The following SHC2 variants were observed in gnomAD, a reference collection of about 807,000 sequenced individuals.
SHC2 encodes the protein SHC adaptor protein 2, also known as SHC-transforming protein 2.
A neutral mutation model predicts 60.6 loss-of-function variants in SHC2; 62 were observed. The ratio of observed to expected loss-of-function variants is 1.02; its 90% CI spans 0.83 to 1.26. The LOEUF (loss-of-function observed/expected upper bound fraction) is 1.26, where lower values mean the gene tolerates loss of function less well. Ranked by LOEUF, SHC2 falls within the 50% of genes most tolerant of loss-of-function variation. The pLI is 0.00. For missense variants in SHC2, 873 were observed against 822.2 expected, an observed-to-expected ratio of 1.06 and a Z score of -0.76; for synonymous variants, 375 against 372.4, an observed-to-expected ratio of 1.01 and a Z score of -0.08.
At chr19:428,207 A>G (rs866335138) in intron 9 of SHC2, among the ~76,000 whole-genome samples, 3 of 152,306 alleles carry the variant, frequency 2.0e-5, no homozygotes, top group Middle Eastern at 3.4e-3. Context: ...CCTGGGCGAC[A>G]AAGCAAGACG....
Position 445,174 on chromosome 19 carries a change from T to A in SHC2, c.469-4242A>T, listed in dbSNP as rs1975023130. On this transcript the variant is annotated intron_variant, in intron 1 of 12. Coordinates refer to ENST00000264554, the MANE Select transcript of SHC2 (RefSeq NM_012435.3). This position sits in a 1 kb window ranked among gnomAD's most constrained non-coding sequence, Gnocchi z 4.4. ...GTAAATATCGATCTAGGGCTGAATA[T>A]CTGTGCCCCCCTCAAAATCCCTCTG... 6.6e-6 allele frequency among the ~76,000 whole-genome samples: 1 copy of A among 152,230 alleles called. No homozygotes were observed. The highest frequency in any genetic ancestry group is 1.5e-5 in the Non-Finnish European group (1 of 68,044).
intron 4 of SHC2, among the ~76,000 whole-genome samples, chr19:437,031 G>GCACGCA (rs887870842): frequency 2.7e-5 from 4 of 150,614 alleles, no homozygotes; most frequent in Non-Finnish European, 5.9e-5. Context: ...CCACACACAT[G>GCACGCA]CACACACACA....
intron 1 of SHC2, among the ~76,000 whole-genome samples, chr19:444,382 T>C (rs1975000776): frequency 6.6e-6 from 1 of 152,126 alleles, no homozygotes; most frequent in Non-Finnish European, 1.5e-5. Flanking sequence ...TGCCAGTGTC[T>C]GGCGCTACAG....
intron 1 of SHC2, among the ~76,000 whole-genome samples, chr19:457,456 G>A (rs1975377056): frequency 6.6e-6 from 1 of 152,158 alleles, no homozygotes; most frequent in Non-Finnish European, 1.5e-5. Flanking sequence ...TCCTGGGAGG[G>A]GCAGCCGCCC....
chr19:458,410 G>T (rs1284553169), intron 1 of SHC2, among the ~76,000 whole-genome samples: 2 of 134,270 alleles, frequency 1.5e-5, no homozygotes, highest in Admixed American at 1.5e-4. Flanking sequence ...GGAGGCGGAA[G>T]CGGGTCCTGG....
At position 460,539 on chromosome 19, in the gene SHC2, T is replaced by C; in HGVS notation, c.458A>G (p.Tyr153Cys). 1 of 1,376,002 alleles carries C rather than the reference T, an allele frequency of 7.3e-7. No individual in the cohort carries two copies. Among genetic ancestry groups the C allele is most frequent in the East Asian group, 3.3e-5 (1 of 30,724 alleles). 85.2% of individuals were successfully genotyped at this position (1,376,002 alleles called of 1,614,324 possible). Residue 153 changes from tyrosine to cysteine, a missense_variant, in exon 1 of 13, where the codon TAC (tyrosine) becomes TGC (cysteine). By Grantham distance (194) the Tyr-to-Cys change is radical (BLOSUM62 -2). Transcript: ENST00000264554. The stretch of plus-strand genomic sequence containing the variant: ...GTGGGGGGGACTCACCCGCACGACG[T>C]AGGAGACCCCGGGCCCCAGGACCCT... ...DARVLGPGVS[Y>C]VVRYMGCIEV...
intron 8 of SHC2, among the ~76,000 whole-genome samples, chr19:430,962 G>A (rs1053280966): frequency 6.6e-5 from 10 of 152,264 alleles, no homozygotes; most frequent in African/African-American, 1.7e-4. Flanking sequence ...TCTCCACCTC[G>A]GAAGGTGGTC....
chr19:443,255 CAGAT>C (rs779922983), intron 1 of SHC2, among the ~76,000 whole-genome samples: 3 of 110,810 alleles, frequency 2.7e-5, no homozygotes, highest in East Asian at 3.0e-4. Context: ...GATGGGTGGA[CAGAT>C]GGATGGATGG....
At chr19:449,091 G>A (rs1053024919) in intron 1 of SHC2, among the ~76,000 whole-genome samples, 7 of 152,118 alleles carry the variant, frequency 4.6e-5, no homozygotes, top group African/African-American at 1.4e-4. Flanking sequence ...TCGCTTGAAC[G>A]CAGGAGGTGG....
intron 9 of SHC2, 30 bp downstream of exon 9, chr19:430,654 G>A (rs1329814670): frequency 1.2e-6 from 2 of 1,602,092 alleles, no homozygotes; most frequent in South Asian, 1.1e-5. Flanking sequence ...AATCCTCGTG[G>A]GTACCCCTTG....
Position 440,643 on chromosome 19 carries a change from A to T in SHC2, c.539+219T>A, listed in dbSNP as rs547115038. Among the ~76,000 whole-genome samples the T allele has an allele frequency of 3.2e-4, 49 of 152,266 alleles. No homozygotes were observed. In the South Asian group the frequency reaches 9.7e-3, roughly 30 times the overall value. On this transcript the variant is annotated intron_variant, in intron 2 of 12. Transcript: ENST00000264554. The surrounding 1 kb of genome is among the most constrained non-coding windows in gnomAD (Gnocchi z 7.0). Reference sequence around the variant, plus strand: ...TGTGAGCGACCGGCGTGTTCTTTCCATCTTAGAGGATCGAGGTCTGCAGGG... The same window carrying T: ...TGTGAGCGACCGGCGTGTTCTTTCCTTCTTAGAGGATCGAGGTCTGCAGGG...
intron 1 of SHC2, 94 bp downstream of exon 1, chr19:460,435 C>A (rs1488273793): frequency 2.0e-6 from 1 of 499,616 alleles, no homozygotes; most frequent in Non-Finnish European, 2.9e-6. Flanking sequence ...GGGGAGGGGA[C>A]ACCTGGCTCG....
Position 438,953 on chromosome 19 carries a change from C to T in SHC2, c.600+17G>A. 3 of 1,594,574 alleles carry T rather than the reference C, an allele frequency of 1.9e-6. No homozygotes were observed. Among genetic ancestry groups the T allele is most frequent in the Admixed American group, 3.5e-5 (2 of 57,854 alleles). The stretch of plus-strand genomic sequence containing the variant: ...ACTGCCCCACCAGCCCCACGAGAGA[C>T]CACAAGCCTCACTCACCTTTTTCTT... On this transcript the variant is annotated intron_variant, in intron 3 of 12. Coordinates refer to ENST00000264554, the MANE Select transcript of SHC2 (RefSeq NM_012435.3). This position sits in a 1 kb window ranked among gnomAD's most constrained non-coding sequence, Gnocchi z 5.0.
chr19:459,598 G>A lies in SHC2; in HGVS notation c.468+931C>T, dbSNP rs572286391. Among the ~76,000 whole-genome samples the A allele has an allele frequency of 1.1e-3, 172 of 149,762 alleles. 1 individual carries two copies. Among genetic ancestry groups the A allele is most frequent in the African/African-American group, 4.3e-3 (168 of 39,424 alleles). The stretch of plus-strand genomic sequence containing the variant: ...GACCCCACTGAACTCAGCGTAGGGG[G>A]AAGGACCCCACTGAACTCAGTGTAA... On this transcript the variant is annotated intron_variant, in intron 1 of 12. Coordinates refer to ENST00000264554, the MANE Select transcript of SHC2 (RefSeq NM_012435.3).
chr19:424,492 G>A lies in SHC2; in HGVS notation c.1309+605C>T, dbSNP rs952215756. ...TGCAAGACCAGCGGGCCAGGCAGTC[G>A]TCCCAGCAGGCCGGGATTCCCACAG... On this transcript the variant is annotated intron_variant, in intron 10 of 12. Transcript: ENST00000264554. The surrounding 1 kb of genome is among the most constrained non-coding windows in gnomAD (Gnocchi z 4.5). Among the ~76,000 whole-genome samples, 2 of 152,110 alleles carry A rather than the reference G, an allele frequency of 1.3e-5. No individual in the cohort carries two copies. The highest frequency in any genetic ancestry group is 2.1e-4 in the South Asian group (1 of 4,814).
chr19:454,242 C>T (rs914753132), intron 1 of SHC2, among the ~76,000 whole-genome samples: 2 of 152,202 alleles, frequency 1.3e-5, no homozygotes, highest in Admixed American at 6.5e-5. Flanking sequence ...CCACACTGGA[C>T]GGTGCAGACA....
In SHC2 at chr19:438,214, T is replaced by A. The variant is rs1003101498; in HGVS notation, c.720+504A>T. Among the ~76,000 whole-genome samples, 15 of 152,132 alleles carry A rather than the reference T, an allele frequency of 9.9e-5. No individual in the cohort carries two copies. The highest frequency in any genetic ancestry group is 4.4e-5 in the Non-Finnish European group (3 of 68,014). ...CTGGTCTCGAACTCCTGACCTCAAGTGATCTGCCCACCCCTCAGCCTCCCA... is the reference window on the plus strand; with the variant it reads ...CTGGTCTCGAACTCCTGACCTCAAGAGATCTGCCCACCCCTCAGCCTCCCA... On this transcript the variant is annotated intron_variant, in intron 4 of 12. Coordinates refer to ENST00000264554, the MANE Select transcript of SHC2 (RefSeq NM_012435.3). The surrounding 1 kb of genome is among the most constrained non-coding windows in gnomAD (Gnocchi z 5.0).
chr19:444,406 G>A (rs1395001847), intron 1 of SHC2, among the ~76,000 whole-genome samples: 1 of 152,118 alleles, frequency 6.6e-6, no homozygotes, highest in Admixed American at 6.5e-5. Flanking sequence ...CATAGGGTGA[G>A]GGATTCTCAT....
intron 1 of SHC2, among the ~76,000 whole-genome samples, chr19:450,703 T>C (rs142023746): frequency 6.6e-6 from 1 of 152,332 alleles, no homozygotes; most frequent in Non-Finnish European, 1.5e-5. Context: ...TTTCAGCGTG[T>C]GGATGGCCAC....
Sources: allele counts gnomAD v4.1 joint callset (sites outside exome capture counted in the v4.1 genomes callset), GRCh38; gene constraint gnomAD v4.1.1; non-coding constraint Gnocchi (gnomAD v3.1); transcripts MANE v1.5; gene names NCBI Gene and HGNC (gene_info 2026-07-23, HGNC 2026-07-21).